The following PIK3AP1 variants were observed in gnomAD, a reference collection of about 807,000 sequenced individuals.
The protein encoded by PIK3AP1 is phosphoinositide-3-kinase adaptor protein 1.
Under a neutral mutation model 88.1 loss-of-function variants are expected in PIK3AP1, and 21 were observed. The observed-to-expected ratio is 0.24, with a 90% CI of 0.17 to 0.34. The LOEUF (loss-of-function observed/expected upper bound fraction) is 0.34. Ranked by LOEUF, PIK3AP1 falls within the 10% of genes least tolerant of loss-of-function variation. The probability of loss-of-function intolerance (pLI) is 1.00; values close to 1 mark genes in which losing one functional copy is unlikely to be tolerated. For missense variants in PIK3AP1, 828 were observed against 1,035.7 expected (o/e 0.80, Z 2.75); for synonymous variants, 398 against 400.0 (o/e 1.00, Z 0.06).
chr10:96,599,754 C>T (rs946987370), intron 16 of PIK3AP1, among the ~76,000 whole-genome samples: 3 of 152,112 alleles, frequency 2.0e-5, no homozygotes, highest in African/African-American at 4.8e-5. Flanking sequence ...TCTTTTTTCA[C>T]ACCAAAAATG....
Position 96,661,821 on chromosome 10 carries a change from AC to A in PIK3AP1, c.431-4888del, listed in dbSNP as rs879860613. Reference sequence around the variant, plus strand: ...ACAGGACAGGACAGGACAGGACAGGACAGGACAGGAAAGGAAAGGGAAAAGG... The same window carrying A: ...ACAGGACAGGACAGGACAGGACAGGAAGGACAGGAAAGGAAAGGGAAAAGG... On this transcript the variant is annotated intron_variant, in intron 2 of 16. Transcript: ENST00000339364. Among the ~76,000 whole-genome samples the A allele has an allele frequency of 6.2e-3, 909 of 147,474 alleles. 4 individuals carry two copies. Among genetic ancestry groups the A allele is most frequent in the African/African-American group, 0.014 (575 of 39,918 alleles).
chr10:96,683,055 A>C (rs916811109), intron 2 of PIK3AP1, among the ~76,000 whole-genome samples: 1 of 152,210 alleles, frequency 6.6e-6, no homozygotes, highest in Non-Finnish European at 1.5e-5. Flanking sequence ...GAATCGAACA[A>C]CGCTTCTGTG....
At chr10:96,673,033 C>T (rs1471255741) in intron 2 of PIK3AP1, among the ~76,000 whole-genome samples, 1 of 152,218 alleles carries the variant, frequency 6.6e-6, no homozygotes, top group East Asian at 1.9e-4. Flanking sequence ...GGTAGAACCA[C>T]ATGCAGAATT....
intron 2 of PIK3AP1, among the ~76,000 whole-genome samples, chr10:96,707,812 T>C (rs1180112869): frequency 1.3e-5 from 2 of 152,198 alleles, no homozygotes; most frequent in African/African-American, 4.8e-5. Context: ...AAGGCAATCA[T>C]GCAAAAATGA....
intron 2 of PIK3AP1, among the ~76,000 whole-genome samples, chr10:96,687,118 C>T (rs1264625170): frequency 6.6e-6 from 1 of 151,462 alleles, no homozygotes; most frequent in Non-Finnish European, 1.5e-5. Flanking sequence ...TAGCCGGGTG[C>T]GGTGGCGGGC....
chr10:96,661,560 T>C (rs2134243496), intron 2 of PIK3AP1, among the ~76,000 whole-genome samples: 1 of 152,282 alleles, frequency 6.6e-6, no homozygotes, highest in South Asian at 2.1e-4. Flanking sequence ...AGAGCAGACA[T>C]GGAACTTTGC....
intron 10 of PIK3AP1, 107 bp from the exon 11 acceptor site, chr10:96,623,644 T>C: frequency 1.0e-6 from 1 of 981,828 alleles, no homozygotes; most frequent in Non-Finnish European, 1.5e-6. Context: ...GTTCTGTAAA[T>C]CAAAATTGTA....
At chr10:96,692,753 T>A (rs1458409694) in intron 2 of PIK3AP1, among the ~76,000 whole-genome samples, 3 of 152,236 alleles carry the variant, frequency 2.0e-5, no homozygotes, top group East Asian at 1.9e-4. Context: ...AGCATTTGAC[T>A]GCAGAATTAG....
At chr10:96,693,828 T>A (rs1291345886) in intron 2 of PIK3AP1, among the ~76,000 whole-genome samples, 1 of 152,236 alleles carries the variant, frequency 6.6e-6, no homozygotes, top group Non-Finnish European at 1.5e-5. Context: ...CACATCAGCA[T>A]CACTGCTGTC....
chr10:96,665,188 A>G (rs988233006), intron 2 of PIK3AP1, among the ~76,000 whole-genome samples: 11 of 152,228 alleles, frequency 7.2e-5, no homozygotes, highest in African/African-American at 2.2e-4. Context: ...TATGAAGTCT[A>G]GAGAAACTCT....
chr10:96,714,632 G>T (rs1041850016), intron 1 of PIK3AP1, among the ~76,000 whole-genome samples: 3 of 152,168 alleles, frequency 2.0e-5, no homozygotes, highest in African/African-American at 7.2e-5. Flanking sequence ...ACTTCCTGGG[G>T]CAGGAAATAT....
intron 16 of PIK3AP1, among the ~76,000 whole-genome samples, chr10:96,597,839 A>G (rs1848806143): frequency 6.6e-6 from 1 of 152,142 alleles, no homozygotes; most frequent in South Asian, 2.1e-4. Context: ...TTTATCTTCT[A>G]TCACAAAGAC....
intron 2 of PIK3AP1, among the ~76,000 whole-genome samples, chr10:96,668,491 C>T (rs1385225189): frequency 2.0e-5 from 3 of 152,078 alleles, no homozygotes; most frequent in African/African-American, 7.2e-5. Context: ...GATTCTTTCT[C>T]TAAGTTTTAG....
intron 2 of PIK3AP1, among the ~76,000 whole-genome samples, chr10:96,661,419 T>C (rs1843684539): frequency 6.6e-6 from 1 of 152,046 alleles, no homozygotes. Flanking sequence ...AGTAGGTGAA[T>C]CCTAATATAA....
At chr10:96,696,231 TA>T (rs1564987200) in intron 2 of PIK3AP1, among the ~76,000 whole-genome samples, 1 of 152,202 alleles carries the variant, frequency 6.6e-6, no homozygotes, top group African/African-American at 2.4e-5. Context: ...TTTCTAAACG[TA>T]AACAGTGAAA....
intron 2 of PIK3AP1, among the ~76,000 whole-genome samples, chr10:96,667,537 C>T (rs1242829859): frequency 6.6e-6 from 1 of 152,168 alleles, no homozygotes; most frequent in Admixed American, 6.5e-5. Flanking sequence ...CTGTCCAAGT[C>T]ACCCAGTGTG....
Position 96,648,859 on chromosome 10 carries a change from A to T in PIK3AP1, c.989-4T>A. The T allele has an allele frequency of 1.3e-6, 2 of 1,546,622 alleles. No individual in the cohort carries two copies. The highest frequency in any genetic ancestry group is 1.7e-6 in the Non-Finnish European group (2 of 1,148,486). ...GGCAGCTCTTCATCCCTCTGATCTG[A>T]AAATTATCAAGGAAAACTTAATAGG... On this transcript the variant is annotated splice_polypyrimidine_tract_variant and splice_region_variant and intron_variant, in intron 6 of 16. Coordinates refer to ENST00000339364, the MANE Select transcript of PIK3AP1 (RefSeq NM_152309.3).
intron 1 of PIK3AP1, among the ~76,000 whole-genome samples, chr10:96,712,598 C>T (rs923020263): frequency 6.6e-6 from 1 of 152,168 alleles, no homozygotes; most frequent in African/African-American, 2.4e-5. Context: ...ATGCAACTGA[C>T]ATTGAGAAGC....
At chr10:96,631,559 C>T (rs894102914) in intron 8 of PIK3AP1, among the ~76,000 whole-genome samples, 7 of 152,098 alleles carry the variant, frequency 4.6e-5, no homozygotes, top group African/African-American at 1.7e-4. Context: ...TCCTAATGTG[C>T]TCATTTGGGG....
Sources: gnomAD v4.1 joint callset for allele counts (sites outside exome capture counted in the v4.1 genomes callset) on GRCh38, gnomAD v4.1.1 for gene constraint, MANE v1.5 for transcripts, NCBI Gene and HGNC (gene_info 2026-07-23, HGNC 2026-07-21) for gene names.